Variants in RALYL observed in about 807,000 individuals in gnomAD.
The protein encoded by RALYL is RNA-binding Raly-like protein.
A neutral mutation model predicts 35.1 loss-of-function variants in RALYL; 29 were observed. The ratio of observed to expected loss-of-function variants is 0.83; its 90% CI spans 0.61 to 1.13. The LOEUF (loss-of-function observed/expected upper bound fraction) is 1.13, where lower values mean the gene tolerates loss of function less well. RALYL is among the 50% of genes most tolerant of loss of function. RALYL has a pLI of 0.00. For missense variants in RALYL, 359 were observed against 360.4 expected (o/e 1.00, Z 0.03); for synonymous variants, 120 against 127.6 (o/e 0.94, Z 0.40).
chr8:84,262,758 A>G (rs1035245204), intron 1 of RALYL, among the ~76,000 whole-genome samples: 2 of 150,518 alleles, frequency 1.3e-5, no homozygotes, highest in East Asian at 3.9e-4. Flanking sequence ...GGCATTACCA[A>G]AAAGGAATCA....
intron 2 of RALYL, among the ~76,000 whole-genome samples, chr8:84,671,571 T>C (rs1833249973): frequency 6.6e-6 from 1 of 152,214 alleles, no homozygotes; most frequent in African/African-American, 2.4e-5. Context: ...CTTCAATTCC[T>C]GACTTCTGTG....
chr8:84,411,314 G>A lies in RALYL; in HGVS notation c.-23-117985G>A, dbSNP rs1270301927. Among the ~76,000 whole-genome samples the A allele has an allele frequency of 5.3e-5, 8 of 151,764 alleles. No homozygotes were observed. In the South Asian group the frequency reaches 1.7e-3, roughly 31 times the overall value. On this transcript the variant is annotated intron_variant, in intron 1 of 8. Coordinates refer to ENST00000521268, the MANE Select transcript of RALYL (RefSeq NM_173848.7). ...CCATGACACTTCAGATTAGCTCTCAGTTGGTGTTTTACAGTATTTTATTTC... is the reference window on the plus strand; with the variant it reads ...CCATGACACTTCAGATTAGCTCTCAATTGGTGTTTTACAGTATTTTATTTC...
At chr8:84,534,099 A>G (rs1352761490) in intron 2 of RALYL, among the ~76,000 whole-genome samples, 3 of 152,234 alleles carry the variant, frequency 2.0e-5, no homozygotes, top group African/African-American at 7.2e-5. Flanking sequence ...TTTCTACCTC[A>G]TTTGTTTCTT....
intron 1 of RALYL, among the ~76,000 whole-genome samples, chr8:84,446,174 T>A (rs557010436): frequency 3.2e-4 from 49 of 152,154 alleles, no homozygotes; most frequent in Admixed American, 3.1e-3. Context: ...TGCATGGTGC[T>A]CCTCTCTGTT....
intron 2 of RALYL, among the ~76,000 whole-genome samples, chr8:84,658,999 T>C (rs1830430211): frequency 6.6e-6 from 1 of 152,134 alleles, no homozygotes; most frequent in Admixed American, 6.6e-5. Flanking sequence ...CTGACTTGTT[T>C]CCAGGGAAGA....
At chr8:84,844,208 C>T (rs1456268445) in intron 4 of RALYL, among the ~76,000 whole-genome samples, 1 of 152,140 alleles carries the variant, frequency 6.6e-6, no homozygotes, top group Non-Finnish European at 1.5e-5. Context: ...AAAATTTTTG[C>T]AACCTACTCA....
At chr8:84,267,825 G>T (rs534815882) in intron 1 of RALYL, among the ~76,000 whole-genome samples, 252 of 152,146 alleles carry the variant, frequency 1.7e-3, no homozygotes, top group South Asian at 8.1e-3. Context: ...GTGTTTTTTT[G>T]TTGTTGTTGT....
chr8:84,416,870 G>A (rs1171496798), intron 1 of RALYL, among the ~76,000 whole-genome samples: 2 of 152,136 alleles, frequency 1.3e-5, no homozygotes, highest in Non-Finnish European at 2.9e-5. Flanking sequence ...AGGAATTCTG[G>A]TAAATGCATA....
At chr8:84,457,931 C>T (rs1300056957) in intron 1 of RALYL, among the ~76,000 whole-genome samples, 3 of 151,752 alleles carry the variant, frequency 2.0e-5, no homozygotes, top group African/African-American at 7.3e-5. Context: ...GACAAGATAT[C>T]AAACTGTATC....
intron 2 of RALYL, among the ~76,000 whole-genome samples, chr8:84,536,644 T>A (rs1017073809): frequency 6.6e-6 from 1 of 152,166 alleles, no homozygotes; most frequent in Admixed American, 6.5e-5. Flanking sequence ...GTAGAAAACA[T>A]CCAAAGAATG....
intron 2 of RALYL, among the ~76,000 whole-genome samples, chr8:84,750,676 A>G (rs1258625742): frequency 1.3e-5 from 2 of 152,236 alleles, no homozygotes; most frequent in East Asian, 3.9e-4. Flanking sequence ...TAGTGAATTA[A>G]TGGGTTATTA....
At chr8:84,730,280 A>T (rs542948974) in intron 2 of RALYL, among the ~76,000 whole-genome samples, 2 of 152,286 alleles carry the variant, frequency 1.3e-5, no homozygotes, top group East Asian at 3.9e-4. Flanking sequence ...CCAAAGACAA[A>T]AACCACATGA....
intron 1 of RALYL, among the ~76,000 whole-genome samples, chr8:84,329,432 C>T (rs2130659016): frequency 6.6e-6 from 1 of 152,154 alleles, no homozygotes; most frequent in East Asian, 1.9e-4. Context: ...ATGCTCTTTG[C>T]CCACTTTTTA....
At position 84,577,173 on chromosome 8, in the gene RALYL, C is replaced by T. The variant is rs192409649; in HGVS notation, c.256+47596C>T. 5.7e-4 allele frequency among the ~76,000 whole-genome samples: 87 copies of T among 152,302 alleles called. 2 individuals carry two copies. In the South Asian group the frequency reaches 7.3e-3, roughly 13 times the overall value. On this transcript the variant is annotated intron_variant, in intron 2 of 8. Transcript: ENST00000521268. ...CCAACAGTTGCGTTTGGCGTAATTA[C>T]GCACTTCCTTGAGGGAAGGAAACAG...
At chr8:84,512,334 G>A (rs934000997) in intron 1 of RALYL, among the ~76,000 whole-genome samples, 1 of 151,640 alleles carries the variant, frequency 6.6e-6, no homozygotes, top group African/African-American at 2.4e-5. Flanking sequence ...ATACCTACTG[G>A]CCATTTTTTT....
intron 1 of RALYL, among the ~76,000 whole-genome samples, chr8:84,195,395 G>A (rs1296898851): frequency 6.6e-6 from 1 of 152,062 alleles, no homozygotes; most frequent in East Asian, 1.9e-4. Context: ...AGCCAAGATC[G>A]CACCATTGCA....
At chr8:84,681,091 C>T (rs1835375662) in intron 2 of RALYL, among the ~76,000 whole-genome samples, 1 of 152,074 alleles carries the variant, frequency 6.6e-6, no homozygotes, top group Non-Finnish European at 1.5e-5. Context: ...TTCCCAGGAC[C>T]ATTTATTAAA....
intron 2 of RALYL, among the ~76,000 whole-genome samples, chr8:84,632,247 G>T (rs1251825585): frequency 1.3e-5 from 2 of 151,886 alleles, no homozygotes; most frequent in East Asian, 1.9e-4. Context: ...GTAAGAAATA[G>T]AAATAAAATA....
At chr8:84,496,910 G>T (rs957506017) in intron 1 of RALYL, among the ~76,000 whole-genome samples, 2 of 152,116 alleles carry the variant, frequency 1.3e-5, no homozygotes, top group African/African-American at 4.8e-5. Flanking sequence ...ACCCAGAAAT[G>T]CAAGAAAACA....
Sources: gnomAD v4.1 joint callset for allele counts (sites outside exome capture counted in the v4.1 genomes callset) on GRCh38, gnomAD v4.1.1 for gene constraint, MANE v1.5 for transcripts, NCBI Gene and HGNC (gene_info 2026-07-23, HGNC 2026-07-21) for gene names.